EPG5: variants seen among roughly 807,000 people sequenced by gnomAD.
EPG5 encodes the protein ectopic P-granules 5 autophagy tethering factor, also known as ectopic P granules protein 5 homolog.
In EPG5, 159 loss-of-function variants were observed where a neutral mutation model predicts 302.7. The observed-to-expected ratio is 0.53, with a 90% CI of 0.46 to 0.60. EPG5 has a LOEUF of 0.60. EPG5 is among the 20% of genes least tolerant of loss of function. The pLI, the probability that EPG5 is intolerant of heterozygous loss-of-function variation, is 0.00. For missense variants in EPG5, 2,896 were observed against 3,092.4 expected (o/e 0.94, Z 1.51); for synonymous variants, 1,158 against 1,136.8 (o/e 1.02, Z -0.37).
chr18:45,821,749 G>A, the EPG5 span, among the ~76,000 whole-genome samples: 1 of 152,140 alleles, frequency 6.6e-6, no homozygotes, highest in Admixed American at 6.5e-5. Context: ...AGGAACTCAA[G>A]CATCTCAACA....
At chr18:45,901,765 C>CCACACACACACA (rs58432761) in intron 25 of EPG5, among the ~76,000 whole-genome samples, 27 of 146,736 alleles carry the variant, frequency 1.8e-4, no homozygotes, top group African/African-American at 6.7e-4. Context: ...CAATCCTGTG[C>CCACACACACACA]CACACACACA....
intron 27 of EPG5, among the ~76,000 whole-genome samples, chr18:45,896,327 C>T (rs1286264877): frequency 6.6e-6 from 1 of 152,202 alleles, no homozygotes; most frequent in African/African-American, 2.4e-5. Flanking sequence ...TGTGGAACTT[C>T]CCAAGTGGGA....
In EPG5 at chr18:45,910,617, A is replaced by C. The variant is rs772778341; in HGVS notation, c.4109T>G (p.Leu1370Arg). Reference sequence around the variant, plus strand: ...TTCACTGCCCTCTGCTGGAACACGGAGGGCCTTGCTTGCAGCATGGTGGAA... The same window carrying C: ...TTCACTGCCCTCTGCTGGAACACGGCGGGCCTTGCTTGCAGCATGGTGGAA... ...ADFHHAASKALRVPAEGSEGL... is the reference protein window; with the variant it reads ...ADFHHAASKARRVPAEGSEGL... The change falls in exon 23 of 44, where the codon CTC becomes CGC. Residue 1370 changes from leucine to arginine, a missense_variant. Leu to Arg is a moderately radical substitution (Grantham distance 102). This residue lies in a region of EPG5 where 790 missense variants were observed against 798.0 expected (regional missense o/e 0.99). Transcript: ENST00000282041. The C allele has an allele frequency of 4.3e-6, 7 of 1,614,006 alleles. No homozygotes were observed. Among genetic ancestry groups the C allele is most frequent in the Non-Finnish European group, 3.4e-6 (4 of 1,180,028 alleles).
At chr18:45,961,641 A>G (rs2051151214) in intron 1 of EPG5, among the ~76,000 whole-genome samples, 1 of 152,186 alleles carries the variant, frequency 6.6e-6, no homozygotes, top group African/African-American at 2.4e-5. Context: ...TAGGCGGATC[A>G]CCTGAGGTCA....
intron 1 of EPG5, among the ~76,000 whole-genome samples, chr18:45,956,957 C>G (rs1179017382): frequency 6.6e-6 from 1 of 151,160 alleles, no homozygotes; most frequent in African/African-American, 2.4e-5. Context: ...AACTAGATAA[C>G]AGGAAGTTAG....
rs2048419354 is a variant in EPG5, at chr18:45,851,250, GC to G, written c.*1216del. ...CCATACACAAAGACATATTAAGCCA[GC>G]TATGCAGGCAAAATCCATCTAGAGC... On this transcript the variant is annotated 3_prime_UTR_variant, in exon 44 of 44. Coordinates refer to ENST00000282041, the MANE Select transcript of EPG5 (RefSeq NM_020964.3). 1 of 152,178 alleles carries G rather than the reference GC, an allele frequency of 6.6e-6. No individual in the cohort carries two copies. The highest frequency in any genetic ancestry group is 2.4e-5 in the African/African-American group (1 of 41,436). The allele number at this position is 152,178 out of a possible 1,614,324, so 9.4% of individuals were successfully genotyped here. A position where few individuals can be genotyped will look rare whatever the true frequency, so the allele number is the denominator to read the frequency against.
Position 45,928,898 on chromosome 18 carries a change from C to T in EPG5, c.2524G>A (p.Val842Ile), listed in dbSNP as rs1568163662. 1 of 1,613,954 alleles carries T rather than the reference C, an allele frequency of 6.2e-7. No individual in the cohort carries two copies. Reference protein sequence around the residue: ...PEIISVLLDRVQETIDQVGMV... With the variant: ...PEIISVLLDRIQETIDQVGMV... ...CCAACCTGGTCAATGGTCTCTTGAACTCTATCCAGAAGGACGGAAATTATC... is the reference window on the plus strand; with the variant it reads ...CCAACCTGGTCAATGGTCTCTTGAATTCTATCCAGAAGGACGGAAATTATC... Residue 842 changes from valine (V) to isoleucine (I), a missense_variant, in exon 13 of 44, where the codon GTT (valine) becomes ATT (isoleucine). Coordinates refer to ENST00000282041, the MANE Select transcript of EPG5 (RefSeq NM_020964.3).
intron 27 of EPG5, among the ~76,000 whole-genome samples, chr18:45,898,603 A>C (rs9964996): frequency 2.4e-4 from 36 of 151,988 alleles, no homozygotes; most frequent in Non-Finnish European, 4.1e-4. Context: ...AGTTCCACCC[A>C]ACTAATCTGC....
intron 13 of EPG5, among the ~76,000 whole-genome samples, chr18:45,926,583 T>G (rs141992528): frequency 6.6e-6 from 1 of 152,070 alleles, no homozygotes; most frequent in Non-Finnish European, 1.5e-5. Flanking sequence ...TCCCAGCACT[T>G]TGGGGGGCCC....
intron 1 of EPG5, among the ~76,000 whole-genome samples, chr18:45,962,165 C>A (rs887446158): frequency 1.3e-5 from 2 of 152,042 alleles, no homozygotes; most frequent in African/African-American, 4.8e-5. Context: ...TTTTAGGAGG[C>A]ACGAAAGAAG....
Position 45,955,320 on chromosome 18 carries a change from T to C in EPG5, c.82A>G (p.Thr28Ala). Residue 28 changes from threonine to alanine, a missense_variant, in exon 2 of 44, where the codon ACT (threonine) becomes GCT (alanine). This residue lies in a region of EPG5 where 1,390 missense variants were observed against 1,430.0 expected (regional missense o/e 0.97). Coordinates refer to ENST00000282041, the MANE Select transcript of EPG5 (RefSeq NM_020964.3). The part of the protein sequence containing the change: ...TKTKEKKKYE[T>A]PQREESSEVS... ...TCACTGGACTCTTCCCTCTGAGGAG[T>C]TTCATACTTCTTCTTTTCCTAAAAA... is the stretch of plus-strand genomic sequence containing the variant. 1.9e-6 allele frequency: 3 copies of C among 1,558,086 alleles called. No homozygotes were observed. The highest frequency in any genetic ancestry group is 2.6e-6 in the Non-Finnish European group (3 of 1,154,044).
chr18:45,948,412 T>A, intron 6 of EPG5, 91 bp downstream of exon 6: 1 of 1,000,912 alleles, frequency 1.0e-6, no homozygotes, highest in Admixed American at 1.9e-5. Flanking sequence ...CCCTTAGCTG[T>A]TCTTCTTTGG....
At chr18:45,838,706 T>C in the EPG5 span, 1 of 1,561,342 alleles carries the variant, frequency 6.4e-7, no homozygotes, top group Non-Finnish European at 8.6e-7. Flanking sequence ...TCACCCGCCT[T>C]CTCCCCTGCA....
chr18:45,922,857 T>C (rs1434218619), intron 15 of EPG5, among the ~76,000 whole-genome samples: 2 of 152,208 alleles, frequency 1.3e-5, no homozygotes, highest in South Asian at 2.1e-4. Flanking sequence ...ACTCAATGAA[T>C]AGTGTGCCGA....
rs11367037 is a variant in EPG5, at chr18:45,951,461, A to AT, written c.1253-224dup. Among the ~76,000 whole-genome samples, 464 of 144,964 alleles carry AT rather than the reference A, an allele frequency of 3.2e-3. 1 individual carries two copies. Among genetic ancestry groups the AT allele is most frequent in the Non-Finnish European group, 4.5e-3 (293 of 65,706 alleles). On this transcript the variant is annotated intron_variant, in intron 3 of 43. Transcript: ENST00000282041. ...TAATGGAAAAATCAACCTCATCATA[A>AT]TTTTTTTTTTTTTTTTGACACAGCC...
chr18:45,807,961 G>A, the EPG5 span, among the ~76,000 whole-genome samples: 10 of 152,034 alleles, frequency 6.6e-5, no homozygotes, highest in African/African-American at 1.4e-4. Context: ...AAAGCCCAAC[G>A]TAAGGAAATC....
intron 24 of EPG5, among the ~76,000 whole-genome samples, chr18:45,906,388 C>T (rs535698359): frequency 6.6e-6 from 1 of 152,290 alleles, no homozygotes; most frequent in South Asian, 2.1e-4. Context: ...CTGGTTTCAT[C>T]TGCCCCGCCT....
intron 27 of EPG5, among the ~76,000 whole-genome samples, chr18:45,895,686 AG>A (rs2049455022): frequency 6.6e-6 from 1 of 152,268 alleles, no homozygotes; most frequent in Admixed American, 6.5e-5. Flanking sequence ...ATATCACAAC[AG>A]AAAGATGTTA....
Position 45,922,482 on chromosome 18 carries a change from G to T in EPG5, c.2957C>A (p.Pro986Gln). 1 of 1,614,154 alleles carries T rather than the reference G, an allele frequency of 6.2e-7. No individual in the cohort carries two copies. The change falls in exon 16 of 44, where the codon CCG (proline) becomes CAG (glutamine). Residue 986 changes from proline (P) to glutamine (Q), a missense_variant. Physicochemically the swap from Pro to Gln is moderately conservative, Grantham distance 76. This residue lies in a region of EPG5 where 1,390 missense variants were observed against 1,430.0 expected (regional missense o/e 0.97). Transcript: ENST00000282041. ...KLHKNDYGIQ[P>Q]NCPAVPFSVT... ...GGAGAAGGGAACAGCTGGACAATTCGGCTGTATTCCATAATCGTTTTTGTG... is the reference window on the plus strand; with the variant it reads ...GGAGAAGGGAACAGCTGGACAATTCTGCTGTATTCCATAATCGTTTTTGTG...
Sources: allele counts gnomAD v4.1 joint callset (sites outside exome capture counted in the v4.1 genomes callset), GRCh38; gene constraint gnomAD v4.1.1; regional missense constraint gnomAD v4.1.1; transcripts MANE v1.5; gene names NCBI Gene and HGNC (gene_info 2026-07-23, HGNC 2026-07-21).